Variants in NADK2 observed in about 807,000 individuals in gnomAD.
The protein encoded by NADK2 is NAD kinase 2, mitochondrial.
Under a neutral mutation model 62.1 loss-of-function variants are expected in NADK2, and 35 were observed. The ratio of observed to expected loss-of-function variants is 0.56; its 90% CI spans 0.43 to 0.75. The LOEUF (loss-of-function observed/expected upper bound fraction) is 0.75, where lower values mean the gene tolerates loss of function less well. Ranked by LOEUF, NADK2 falls within the 30% of genes least tolerant of loss-of-function variation. The probability of loss-of-function intolerance (pLI) is 0.00; values close to 1 mark genes in which losing one functional copy is unlikely to be tolerated. For missense variants in NADK2, 439 were observed against 561.3 expected, an observed-to-expected ratio of 0.78 and a Z score of 2.20; for synonymous variants, 205 against 207.9, an observed-to-expected ratio of 0.99 and a Z score of 0.12.
chr5:36,217,294 C>T (rs1747079945), intron 6 of NADK2, among the ~76,000 whole-genome samples: 3 of 152,262 alleles, frequency 2.0e-5, no homozygotes, highest in South Asian at 4.1e-4. Flanking sequence ...TCACCTTATG[C>T]TAATATTCTC....
intron 8 of NADK2, among the ~76,000 whole-genome samples, chr5:36,202,752 G>A (rs561647221): frequency 2.0e-5 from 3 of 152,182 alleles, no homozygotes; most frequent in Admixed American, 6.5e-5. Flanking sequence ...CACAGCAACC[G>A]GAGGAGCTAT....
chr5:36,201,525 C>G (rs997969987), intron 8 of NADK2, among the ~76,000 whole-genome samples: 1 of 151,336 alleles, frequency 6.6e-6, no homozygotes, highest in Non-Finnish European at 1.5e-5. Flanking sequence ...AAATAGGTAC[C>G]CATAGAAAGC....
At chr5:36,225,782 T>C (rs1747460793) in intron 3 of NADK2, among the ~76,000 whole-genome samples, 159 bp from the exon 4 acceptor site, 1 of 152,244 alleles carries the variant, frequency 6.6e-6, no homozygotes, top group Non-Finnish European at 1.5e-5. Flanking sequence ...CTTTGGATTC[T>C]CTCTCCCACT....
intron 1 of NADK2, among the ~76,000 whole-genome samples, chr5:36,229,550 A>G (rs1262277061): frequency 6.6e-6 from 1 of 151,780 alleles, no homozygotes; most frequent in Non-Finnish European, 1.5e-5. Flanking sequence ...CCAGCTACAG[A>G]TTGACTAAAA....
rs575768372 is a variant in NADK2 at position 36,222,177 on chromosome 5, T to G, written c.561-2498A>C. 2.0e-5 allele frequency among the ~76,000 whole-genome samples: 3 copies of G among 152,246 alleles called. No individual in the cohort carries two copies. The South Asian group carries it at 6.2e-4, about 32-fold the overall frequency. On this transcript the variant is annotated intron_variant, in intron 4 of 11. Transcript: ENST00000381937. ...TTACAACCCAGGAGAAACACCAGTC[T>G]TGAACAAACAAGAAACACAGAAGTG...
chr5:36,226,515 T>G lies in NADK2; in HGVS notation c.438A>C (p.Glu146Asp), dbSNP rs181647494. 803 of 1,613,186 alleles carry G rather than the reference T, an allele frequency of 5.0e-4. 2 individuals carry two copies. In the African/African-American group the frequency reaches 9.6e-3, roughly 19 times the overall value. Residue 146 changes from glutamate to aspartate, a missense_variant, in exon 3 of 12, where the codon GAA becomes GAC. Coordinates refer to ENST00000381937, the MANE Select transcript of NADK2 (RefSeq NM_001085411.3). ...VRLVKRREYD[E>D]ETVRWADAVI... ...CAGCATCTGCCCATCGAACAGTCTC[T>G]TCATCATATTCTCTCCTCTTTACTA...
intron 10 of NADK2, among the ~76,000 whole-genome samples, chr5:36,198,611 TAATATA>T (rs1746320235): frequency 6.8e-6 from 1 of 148,094 alleles, no homozygotes; most frequent in Non-Finnish European, 1.5e-5. Flanking sequence ...TAATATAAAT[TAATATA>T]TATATACATC....
Position 36,241,424 on chromosome 5 carries a change from C to A in NADK2, c.300+75G>T, listed in dbSNP as rs1172955530. On this transcript the variant is annotated intron_variant, in intron 1 of 11. Transcript: ENST00000381937. This position sits in a 1 kb window ranked among gnomAD's most constrained non-coding sequence, Gnocchi z 4.9. ...CCTGGGAAGAGTCGTCCCGAGAGGT[C>A]CCCCCGAGGGGGCGCAGCCGCCACC... 7.0e-7 allele frequency: 1 copy of A among 1,435,594 alleles called. No homozygotes were observed. Among genetic ancestry groups the A allele is most frequent in the South Asian group, 1.3e-5 (1 of 75,002 alleles). The allele number at this position is 1,435,594 out of a possible 1,614,324, so 88.9% of individuals were successfully genotyped here. A position where few individuals can be genotyped will look rare whatever the true frequency, so the allele number is the denominator to read the frequency against.
chr5:36,227,854 T>A (rs1007572401), intron 1 of NADK2, among the ~76,000 whole-genome samples: 2 of 151,158 alleles, frequency 1.3e-5, no homozygotes, highest in South Asian at 2.1e-4. Context: ...TGACTTTTTT[T>A]TTTTTTTTGA....
At chr5:36,228,655 G>T (rs943339024) in intron 1 of NADK2, among the ~76,000 whole-genome samples, 1 of 150,026 alleles carries the variant, frequency 6.7e-6, no homozygotes, top group Non-Finnish European at 1.5e-5. Context: ...GTCTGGCTCT[G>T]TTGCCCAGGC....
At chr5:36,228,894 G>C (rs964437483) in intron 1 of NADK2, among the ~76,000 whole-genome samples, 3 of 151,900 alleles carry the variant, frequency 2.0e-5, no homozygotes, top group Admixed American at 1.3e-4. Context: ...AAAAAAGCTG[G>C]GGTTACAGGT....
intron 5 of NADK2, among the ~76,000 whole-genome samples, chr5:36,219,378 C>T (rs6866745): frequency 0.93 from 140,741 of 152,152 alleles, 65,583 homozygotes; most frequent in Non-Finnish European, 0.98. Context: ...GCCCAGCTAA[C>T]TTCTGTATTT....
At chr5:36,206,930 T>G (rs1157318120) in intron 8 of NADK2, among the ~76,000 whole-genome samples, 3 of 152,066 alleles carry the variant, frequency 2.0e-5, no homozygotes, top group African/African-American at 7.2e-5. Flanking sequence ...CAAAACCACT[T>G]CTCATTTCCT....
At position 36,197,567 on chromosome 5, in the gene NADK2, GC is replaced by G; in HGVS notation, c.1163del (p.Ser388ThrfsTer40). On this transcript the variant is annotated frameshift_variant, in exon 11 of 12. Transcript: ENST00000381937. LOFTEE classifies it high-confidence loss of function. Reference sequence around the variant, plus strand: ...TTGAGGAGAAACAACGCTGACGACTGCTTGAGAAAACTCTATTTGCTATTGG... The same window carrying G: ...TTGAGGAGAAACAACGCTGACGACTGTTGAGAAAACTCTATTTGCTATTGG... ...REPIANRVFS[S>X]SRQRCFSSKV... 1 of 1,612,378 alleles carries G rather than the reference GC, an allele frequency of 6.2e-7. No homozygotes were observed. Among genetic ancestry groups the G allele is most frequent in the Non-Finnish European group, 8.5e-7 (1 of 1,178,938 alleles).
chr5:36,212,214 CTTG>C (rs1746875437), intron 6 of NADK2: 1 of 197,754 alleles, frequency 5.1e-6, no homozygotes, highest in Non-Finnish European at 1.0e-5. Flanking sequence ...TCAAAAGATT[CTTG>C]TTGTTACACT....
At position 36,227,847 on chromosome 5, in the gene NADK2, CT is replaced by C. The variant is rs201331621; in HGVS notation, c.301-283del. On this transcript the variant is annotated intron_variant, in intron 1 of 11. Coordinates refer to ENST00000381937, the MANE Select transcript of NADK2 (RefSeq NM_001085411.3). The stretch of plus-strand genomic sequence containing the variant: ...CTTAAGTTTTTTATTTTTTTTATGA[CT>C]TTTTTTTTTTTTTTGAGATGGAGTC... Among the ~76,000 whole-genome samples, 382 of 139,740 alleles carry C rather than the reference CT, an allele frequency of 2.7e-3. 2 individuals are homozygous for C. The South Asian group carries it at 0.027, about 10-fold the overall frequency. 91.7% of individuals were successfully genotyped at this position (139,740 alleles called of 152,430 possible).
At chr5:36,238,388 C>G (rs1186462527) in intron 1 of NADK2, among the ~76,000 whole-genome samples, 1 of 152,090 alleles carries the variant, frequency 6.6e-6, no homozygotes, top group Non-Finnish European at 1.5e-5. Context: ...AAAATAGGAA[C>G]CAGTAAAAGG....
intron 8 of NADK2, among the ~76,000 whole-genome samples, chr5:36,204,394 C>A (rs1205409555): frequency 2.0e-5 from 3 of 152,092 alleles, no homozygotes; most frequent in African/African-American, 7.2e-5. Context: ...AATTATACCA[C>A]TTTGCCTATT....
chr5:36,213,282 T>C (rs1002090727), intron 6 of NADK2: 4 of 152,168 alleles, frequency 2.6e-5, no homozygotes, highest in Non-Finnish European at 4.4e-5. Flanking sequence ...ACTGAGTGAT[T>C]TGTTATACAA....
Sources: gnomAD v4.1 joint callset for allele counts (sites outside exome capture counted in the v4.1 genomes callset) on GRCh38, gnomAD v4.1.1 for gene constraint, Gnocchi (gnomAD v3.1) non-coding constraint, MANE v1.5 for transcripts, NCBI Gene and HGNC (gene_info 2026-07-23, HGNC 2026-07-21) for gene names.